Variants in WDPCP observed in about 807,000 individuals in gnomAD.
WDPCP encodes the protein WD repeat-containing and planar cell polarity effector protein fritz homolog.
WDPCP carries 71 observed loss-of-function variants against 93.1 expected under a neutral mutation model. The observed-to-expected ratio is 0.76, with a 90% CI of 0.63 to 0.93. WDPCP has a LOEUF of 0.93. WDPCP is among the 40% of genes least tolerant of loss of function. The pLI is 0.00. For synonymous variants in WDPCP, 315 were observed against 315.0 expected, an observed-to-expected ratio of 1.00 and a Z score of 0.00; for missense variants, 844 against 887.4, an observed-to-expected ratio of 0.95 and a Z score of 0.62.
chr2:63,607,195 A>C, intron 3 of WDPCP: 1 of 323,702 alleles, frequency 3.1e-6, no homozygotes, highest in South Asian at 4.6e-5. Flanking sequence ...TATTCAAATG[A>C]AAGTGACTCA....
chr2:63,829,046 C>A (rs766905587), upstream of WDPCP, among the ~76,000 whole-genome samples: 4 of 151,882 alleles, frequency 2.6e-5, no homozygotes, highest in Non-Finnish European at 1.5e-5. Context: ...AAGTAATACA[C>A]GAGTTTAAAA....
intron 13 of WDPCP, among the ~76,000 whole-genome samples, chr2:63,290,229 A>C (rs1684304689): frequency 6.6e-6 from 1 of 151,950 alleles, no homozygotes; most frequent in Non-Finnish European, 1.5e-5. Flanking sequence ...AAAGCAACAT[A>C]CCTATTTACA....
At chr2:63,618,937 C>T (rs1296865454) in intron 3 of WDPCP, among the ~76,000 whole-genome samples, 1 of 152,158 alleles carries the variant, frequency 6.6e-6, no homozygotes, top group East Asian at 1.9e-4. Flanking sequence ...GATTCGCCCG[C>T]CTCACCCTCC....
intron 1 of WDPCP, among the ~76,000 whole-genome samples, chr2:63,815,829 G>C (rs142905361): frequency 6.6e-6 from 1 of 152,020 alleles, no homozygotes; most frequent in Non-Finnish European, 1.5e-5. Flanking sequence ...ATAAAGTATC[G>C]TAACAAAACA....
intron 1 of WDPCP, among the ~76,000 whole-genome samples, chr2:63,520,120 C>T (rs1373682275): frequency 2.0e-5 from 3 of 152,142 alleles, no homozygotes; most frequent in African/African-American, 7.2e-5. Flanking sequence ...ATCAACCAAA[C>T]TGAGGAAAGA....
intron 9 of WDPCP, among the ~76,000 whole-genome samples, chr2:63,413,440 A>G (rs1695169773): frequency 1.3e-5 from 2 of 152,204 alleles, no homozygotes; most frequent in South Asian, 4.1e-4. Flanking sequence ...CATTGGAAAA[A>G]TCCCTCTGGA....
intron 13 of WDPCP, among the ~76,000 whole-genome samples, chr2:63,280,459 T>C (rs1460288685): frequency 6.6e-6 from 1 of 152,108 alleles, no homozygotes; most frequent in Non-Finnish European, 1.5e-5. Flanking sequence ...TTCTGGGAGA[T>C]ACAATTCAAG....
At chr2:63,280,441 C>T (rs187540792) in intron 13 of WDPCP, among the ~76,000 whole-genome samples, 67 of 152,282 alleles carry the variant, frequency 4.4e-4, no homozygotes, top group Admixed American at 2.1e-3. Flanking sequence ...TCCCACAACA[C>T]GTGGGAATTC....
chr2:63,550,622 T>A (rs1705538446), intron 1 of WDPCP, among the ~76,000 whole-genome samples: 1 of 151,938 alleles, frequency 6.6e-6, no homozygotes, highest in Non-Finnish European at 1.5e-5. Context: ...CCTTGGGTGA[T>A]CATATCTGCT....
intron 2 of WDPCP, among the ~76,000 whole-genome samples, chr2:63,803,841 C>T (rs1489667580): frequency 3.3e-5 from 5 of 152,166 alleles, no homozygotes; most frequent in Non-Finnish European, 5.9e-5. Flanking sequence ...AGTTACAGAA[C>T]ATGAATACAC....
At chr2:63,828,861 T>A (rs1671152559), upstream of WDPCP, among the ~76,000 whole-genome samples, 2 of 152,168 alleles carry the variant, frequency 1.3e-5, no homozygotes, top group South Asian at 4.1e-4. Context: ...AATTATTAAG[T>A]TTAACTTTTT....
At chr2:63,568,313 G>A (rs1377245701) in intron 1 of WDPCP, among the ~76,000 whole-genome samples, 2 of 150,190 alleles carry the variant, frequency 1.3e-5, no homozygotes, top group Admixed American at 6.7e-5. Flanking sequence ...GAAGGAAGAA[G>A]TCTCTGACTA....
chr2:63,377,419 TA>T (rs898081371), intron 12 of WDPCP, among the ~76,000 whole-genome samples: 4 of 151,438 alleles, frequency 2.6e-5, no homozygotes, highest in African/African-American at 9.7e-5. Context: ...ATGTCATATA[TA>T]AAAGAATACT....
rs547148485 is a variant in WDPCP, at chr2:63,644,797, T to A, written n.488+5862A>T. On this transcript the variant is annotated intron_variant and non_coding_transcript_variant, in intron 3 of 4. Coordinates refer to the WDPCP transcript ENST00000467687. ...CTAGATTTTCCAATTTATTGGCATA[T>A]AGTTGCTCATATAGCTACTAATGAT... 3.9e-5 allele frequency among the ~76,000 whole-genome samples: 6 copies of A among 152,334 alleles called. No homozygotes were observed. The East Asian group carries it at 1.2e-3, about 29-fold the overall frequency.
intron 2 of WDPCP, among the ~76,000 whole-genome samples, chr2:63,722,776 G>T (rs984527545): frequency 2.6e-5 from 4 of 152,096 alleles, no homozygotes; most frequent in Non-Finnish European, 4.4e-5. Flanking sequence ...CGCCCCGTCT[G>T]GGAGGTGTGC....
intron 14 of WDPCP, among the ~76,000 whole-genome samples, chr2:63,183,852 T>C (rs1451012675): frequency 1.3e-5 from 2 of 152,150 alleles, no homozygotes; most frequent in African/African-American, 2.4e-5. Flanking sequence ...TTTGTAGAAT[T>C]GATCCCTTTA....
upstream of WDPCP, chr2:63,588,788 G>A (rs927933617): frequency 7.3e-6 from 4 of 548,632 alleles, no homozygotes; most frequent in Middle Eastern, 4.9e-4. Flanking sequence ...TGCAATCGGC[G>A]CAGAGCGCAG....
At chr2:63,786,235 C>G (rs1002256244) in intron 2 of WDPCP, among the ~76,000 whole-genome samples, 1 of 152,144 alleles carries the variant, frequency 6.6e-6, no homozygotes, top group African/African-American at 2.4e-5. Flanking sequence ...TGGTCTCAAA[C>G]TCCTGGGCTC....
chr2:63,259,486 C>T, intron 13 of WDPCP, 77 bp from the exon 14 acceptor site: 2 of 1,123,086 alleles, frequency 1.8e-6, no homozygotes, highest in Non-Finnish European at 2.7e-6. Flanking sequence ...TTGAAGGAAA[C>T]TTATTGTCCA....
Sources: allele counts gnomAD v4.1 joint callset (sites outside exome capture counted in the v4.1 genomes callset), GRCh38; gene constraint gnomAD v4.1.1; transcripts MANE v1.5; gene names NCBI Gene and HGNC (gene_info 2026-07-23, HGNC 2026-07-21).